The following TYW1 variants were observed in gnomAD, a reference collection of about 807,000 sequenced individuals.
The protein encoded by TYW1 is S-adenosyl-L-methionine-dependent tRNA 4-demethylwyosine synthase TYW1.
TYW1 carries 46 observed loss-of-function variants against 96.2 expected under a neutral mutation model. That is an observed-to-expected ratio of 0.48 (90% CI 0.38 to 0.61). The LOEUF (loss-of-function observed/expected upper bound fraction) is 0.61, where lower values mean the gene tolerates loss of function less well. Among genes scored for constraint, TYW1 ranks in the 20% least tolerant of loss-of-function variants. TYW1 has a pLI of 0.00. For synonymous variants in TYW1, 274 were observed against 323.0 expected (o/e 0.85, Z 1.63); for missense variants, 684 against 909.6 (o/e 0.75, Z 3.19).
At chr7:67,107,826 A>G (rs1482131276) in intron 12 of TYW1, among the ~76,000 whole-genome samples, 1 of 151,530 alleles carries the variant, frequency 6.6e-6, no homozygotes, top group Non-Finnish European at 1.5e-5. Context: ...CTGGCCTCCA[A>G]AAGTGCTGGG....
intron 12 of TYW1, among the ~76,000 whole-genome samples, chr7:67,102,740 C>T (rs1184706647): frequency 2.6e-5 from 4 of 152,130 alleles, no homozygotes; most frequent in Non-Finnish European, 5.9e-5. Flanking sequence ...CAAGCTCCGC[C>T]TCCAGGGTTC....
At chr7:67,127,876 C>G (rs555910852) in intron 13 of TYW1, among the ~76,000 whole-genome samples, 4 of 151,996 alleles carry the variant, frequency 2.6e-5, no homozygotes, top group Non-Finnish European at 4.4e-5. Context: ...TTCACCCTGC[C>G]GTCTCCTTGC....
chr7:67,170,512 AT>A (rs978476437), intron 13 of TYW1, among the ~76,000 whole-genome samples: 8 of 152,248 alleles, frequency 5.3e-5, no homozygotes, highest in African/African-American at 1.9e-4. Flanking sequence ...TTGAGGTAGC[AT>A]TCACGTAACA....
chr7:67,210,747 TTGTC>T (rs1351780813), intron 15 of TYW1, among the ~76,000 whole-genome samples: 5 of 94,454 alleles, frequency 5.3e-5, no homozygotes, highest in African/African-American at 1.9e-4. Context: ...TGTCATCTGT[TTGTC>T]TGTCGTCTGT....
chr7:67,038,617 CAT>C (rs984803146), intron 7 of TYW1, among the ~76,000 whole-genome samples: 3 of 151,186 alleles, frequency 2.0e-5, no homozygotes, highest in African/African-American at 4.9e-5. Context: ...AAAATACAAA[CAT>C]GTGGCCAGGC....
chr7:67,003,563 T>C (rs1793473667), intron 3 of TYW1, among the ~76,000 whole-genome samples: 1 of 151,298 alleles, frequency 6.6e-6, no homozygotes, highest in East Asian at 1.9e-4. Context: ...AGGGAAAAAA[T>C]GAGGATTACA....
chr7:67,236,590 G>C (rs1333791200), intron 15 of TYW1, among the ~76,000 whole-genome samples: 2 of 152,230 alleles, frequency 1.3e-5, no homozygotes, highest in African/African-American at 4.8e-5. Context: ...GAGAGAAAAT[G>C]ATGGTGAGAT....
At chr7:67,026,434 C>T (rs1423479939) in intron 7 of TYW1, among the ~76,000 whole-genome samples, 1 of 152,150 alleles carries the variant, frequency 6.6e-6, no homozygotes, top group African/African-American at 2.4e-5. Context: ...TTAAAACATT[C>T]CTGAATGGCA....
chr7:67,012,603 A>G (rs1793852645), intron 4 of TYW1, among the ~76,000 whole-genome samples: 1 of 152,154 alleles, frequency 6.6e-6, no homozygotes, highest in African/African-American at 2.4e-5. Flanking sequence ...CCAGGCTATC[A>G]AGACTAAGGA....
At chr7:67,192,987 G>A (rs1800269487) in intron 14 of TYW1, among the ~76,000 whole-genome samples, 2 of 152,146 alleles carry the variant, frequency 1.3e-5, no homozygotes, top group African/African-American at 2.4e-5. Context: ...AAATTCAGGG[G>A]GAGTTAGTAT....
chr7:67,038,900 T>G (rs1794925999), intron 7 of TYW1, among the ~76,000 whole-genome samples: 1 of 152,136 alleles, frequency 6.6e-6, no homozygotes, highest in African/African-American at 2.4e-5. Flanking sequence ...CAAGACTCCA[T>G]CTCAAAAGCA....
At chr7:66,997,736 C>T (rs1055170876) in intron 1 of TYW1, among the ~76,000 whole-genome samples, 11 of 149,144 alleles carry the variant, frequency 7.4e-5, no homozygotes, top group African/African-American at 2.7e-4. Context: ...TCAAACAGTT[C>T]TCCTGCCTCA....
intron 15 of TYW1, among the ~76,000 whole-genome samples, chr7:67,215,547 C>A (rs1801174387): frequency 1.3e-5 from 2 of 152,220 alleles, no homozygotes; most frequent in Non-Finnish European, 2.9e-5. Context: ...CACCTCCACT[C>A]TTCCTGTCAC....
intron 13 of TYW1, among the ~76,000 whole-genome samples, chr7:67,180,424 A>ATATATATATATATATATATATAT (rs1341437613): frequency 1.2e-5 from 1 of 81,928 alleles, no homozygotes; most frequent in Non-Finnish European, 2.7e-5. Flanking sequence ...ATATATATAT[A>ATATATATATATATATATATATAT]ATTTTTTTTT....
intron 13 of TYW1, among the ~76,000 whole-genome samples, chr7:67,166,234 G>C (rs1454705652): frequency 2.8e-5 from 4 of 143,084 alleles, no homozygotes; most frequent in African/African-American, 5.3e-5. Context: ...CAGCCTGTGT[G>C]ACAGAGCGTG....
chr7:66,998,746 A>G (rs1043436060), intron 2 of TYW1, 71 bp from the exon 3 acceptor site: 3 of 1,552,216 alleles, frequency 1.9e-6, no homozygotes, highest in African/African-American at 2.8e-5. Flanking sequence ...TATCTGTGCT[A>G]ATTTTCATCC....
intron 10 of TYW1, among the ~76,000 whole-genome samples, chr7:67,073,804 C>T (rs1796118229): frequency 6.9e-6 from 1 of 145,288 alleles, no homozygotes; most frequent in Non-Finnish European, 1.5e-5. Context: ...GAAATATGGC[C>T]AGGCGCGGTT....
intron 12 of TYW1, among the ~76,000 whole-genome samples, chr7:67,105,926 T>G (rs1194449542): frequency 7.1e-6 from 1 of 141,218 alleles, no homozygotes; most frequent in East Asian, 2.1e-4. Flanking sequence ...TGGAGGAGTT[T>G]CGCTCTTGTT....
At chr7:67,194,644 T>TAA (rs60474647) in intron 14 of TYW1, among the ~76,000 whole-genome samples, 2 of 150,434 alleles carry the variant, frequency 1.3e-5, no homozygotes, top group East Asian at 1.9e-4. Context: ...ATAATAATAA[T>TAA]TTTAAAGGGA....
Sources: gnomAD v4.1 joint callset for allele counts (sites outside exome capture counted in the v4.1 genomes callset) on GRCh38, gnomAD v4.1.1 for gene constraint, MANE v1.5 for transcripts, NCBI Gene and HGNC (gene_info 2026-07-23, HGNC 2026-07-21) for gene names.